The following SNTG1 variants were observed in gnomAD, a reference collection of about 807,000 sequenced individuals.
SNTG1 encodes gamma-1-syntrophin.
Under a neutral mutation model 74.7 loss-of-function variants are expected in SNTG1, and 39 were observed. The ratio of observed to expected loss-of-function variants is 0.52; its 90% CI spans 0.40 to 0.68. The LOEUF (loss-of-function observed/expected upper bound fraction) is 0.68. Ranked by LOEUF, SNTG1 falls within the 30% of genes least tolerant of loss-of-function variation. The probability of loss-of-function intolerance (pLI) is 0.00; values close to 1 mark genes in which losing one functional copy is unlikely to be tolerated. For missense variants in SNTG1, 685 were observed against 609.5 expected, an observed-to-expected ratio of 1.12 and a Z score of -1.30; for synonymous variants, 254 against 217.1, an observed-to-expected ratio of 1.17 and a Z score of -1.49.
At chr8:50,108,072 A>T (rs2080448535) in intron 1 of SNTG1, among the ~76,000 whole-genome samples, 1 of 151,256 alleles carries the variant, frequency 6.6e-6, no homozygotes, top group African/African-American at 2.4e-5. Context: ...GCAACAAGAG[A>T]TATTCCAAGT....
intron 2 of SNTG1, among the ~76,000 whole-genome samples, chr8:50,245,301 T>G (rs186995784): frequency 6.6e-6 from 1 of 152,142 alleles, no homozygotes; most frequent in Admixed American, 6.6e-5. Flanking sequence ...CACCAGACTA[T>G]AGATTCTTTG....
intron 18 of SNTG1, among the ~76,000 whole-genome samples, chr8:50,780,954 A>G (rs28832592): frequency 0.44 from 66,072 of 151,868 alleles, 16,584 homozygotes; most frequent in African/African-American, 0.7. Flanking sequence ...CCTTTATTTC[A>G]TTACGTACCG....
At chr8:50,075,276 C>T (rs947289280) in intron 1 of SNTG1, among the ~76,000 whole-genome samples, 47 of 152,186 alleles carry the variant, frequency 3.1e-4, no homozygotes, top group African/African-American at 8.9e-4. Context: ...GACTGACTGG[C>T]GGCCCCTGGG....
chr8:50,405,667 TTTC>T (rs1485430087), intron 4 of SNTG1, among the ~76,000 whole-genome samples: 4 of 152,118 alleles, frequency 2.6e-5, no homozygotes, highest in Non-Finnish European at 5.9e-5. Context: ...ATGTCAATTT[TTTC>T]TTCTATTGGT....
At chr8:50,780,018 T>C (rs1048007675) in intron 18 of SNTG1, among the ~76,000 whole-genome samples, 1 of 152,228 alleles carries the variant, frequency 6.6e-6, no homozygotes, top group African/African-American at 2.4e-5. Context: ...TTGATTTGTG[T>C]ATACTGAAGC....
At chr8:50,150,168 G>A (rs2082016744) in intron 1 of SNTG1, among the ~76,000 whole-genome samples, 1 of 152,082 alleles carries the variant, frequency 6.6e-6, no homozygotes, top group Admixed American at 6.6e-5. Flanking sequence ...GTGAAGGGGT[G>A]TTCACTCAGG....
At chr8:49,940,611 TAC>T (rs1808599020) in intron 1 of SNTG1, among the ~76,000 whole-genome samples, 1 of 152,194 alleles carries the variant, frequency 6.6e-6, no homozygotes. Flanking sequence ...GACATTTCTG[TAC>T]AGTCTCTTTC....
At chr8:50,019,866 A>G (rs957385532) in intron 1 of SNTG1, among the ~76,000 whole-genome samples, 3 of 152,090 alleles carry the variant, frequency 2.0e-5, no homozygotes, top group Non-Finnish European at 4.4e-5. Flanking sequence ...GCTATCATGC[A>G]TGTCAAGAGA....
chr8:50,073,746 C>T (rs1563553161), intron 1 of SNTG1, among the ~76,000 whole-genome samples: 1 of 151,886 alleles, frequency 6.6e-6, no homozygotes, highest in Non-Finnish European at 1.5e-5. Context: ...GTATGTCTGC[C>T]TCACAGCTCT....
intron 13 of SNTG1, among the ~76,000 whole-genome samples, chr8:50,627,350 T>C (rs2094963270): frequency 6.6e-6 from 1 of 152,190 alleles, no homozygotes. Context: ...AAAGCTGCTA[T>C]AAACAAGGCT....
chr8:50,401,603 G>T (rs2092806359), intron 3 of SNTG1, among the ~76,000 whole-genome samples: 1 of 152,014 alleles, frequency 6.6e-6, no homozygotes, highest in Admixed American at 6.5e-5. Flanking sequence ...GTGTGTGTGT[G>T]TATGTGAGTG....
In SNTG1 at chr8:50,474,379, G is replaced by GA. The variant is rs1349556597; in HGVS notation, c.363+23662dup. 4.1e-3 allele frequency among the ~76,000 whole-genome samples: 533 copies of GA among 131,028 alleles called. 2 individuals are homozygous for GA. The highest frequency in any genetic ancestry group is 0.011 in the African/African-American group (390 of 35,690). 86.0% of individuals were successfully genotyped at this position (131,028 alleles called of 152,430 possible). ...ACAATGAACTCAAACAAATTTACAA[G>GA]AAAAAAAAAAAACAACCCCATCAAA... On this transcript the variant is annotated intron_variant, in intron 8 of 18. Transcript: ENST00000642720.
chr8:50,170,237 G>A (rs1382527358), intron 1 of SNTG1, among the ~76,000 whole-genome samples: 1 of 151,876 alleles, frequency 6.6e-6, no homozygotes, highest in Non-Finnish European at 1.5e-5. Context: ...TTGGAACAAG[G>A]TTACATTTTT....
At chr8:50,273,570 G>A (rs144409364) in intron 2 of SNTG1, among the ~76,000 whole-genome samples, 35 of 152,248 alleles carry the variant, frequency 2.3e-4, no homozygotes, top group African/African-American at 7.2e-4. Context: ...AAAGTTGTTC[G>A]GTGTCATGGG....
At chr8:49,971,789 C>T (rs988030860) in intron 1 of SNTG1, among the ~76,000 whole-genome samples, 1 of 152,080 alleles carries the variant, frequency 6.6e-6, no homozygotes, top group African/African-American at 2.4e-5. Flanking sequence ...AATAAAATAC[C>T]TAGGAATCCA....
At chr8:50,510,376 C>CT (rs556600498) in intron 9 of SNTG1, among the ~76,000 whole-genome samples, 4 of 152,002 alleles carry the variant, frequency 2.6e-5, no homozygotes, top group Non-Finnish European at 5.9e-5. Context: ...CTTAAATTGT[C>CT]TTTTTTTGTC....
At chr8:50,016,461 C>A (rs1320913480) in intron 1 of SNTG1, among the ~76,000 whole-genome samples, 3 of 152,042 alleles carry the variant, frequency 2.0e-5, no homozygotes, top group Non-Finnish European at 4.4e-5. Flanking sequence ...TGTAAGGGGA[C>A]AACTTAGATG....
chr8:50,533,369 G>A (rs1308187233), intron 10 of SNTG1, among the ~76,000 whole-genome samples: 1 of 152,206 alleles, frequency 6.6e-6, no homozygotes, highest in African/African-American at 2.4e-5. Flanking sequence ...TTGTTCTTGA[G>A]GATATTGTGT....
chr8:50,383,275 T>A (rs2092519503), intron 2 of SNTG1, among the ~76,000 whole-genome samples: 1 of 152,150 alleles, frequency 6.6e-6, no homozygotes, highest in Non-Finnish European at 1.5e-5. Context: ...AAAAACACAC[T>A]AATTATTTCC....
Sources: allele counts gnomAD v4.1 joint callset (sites outside exome capture counted in the v4.1 genomes callset), GRCh38; gene constraint gnomAD v4.1.1; transcripts MANE v1.5; gene names NCBI Gene and HGNC (gene_info 2026-07-23, HGNC 2026-07-21).